Variants in TMEFF1 observed in about 807,000 individuals in gnomAD.
TMEFF1 encodes transmembrane protein with EGF like and two follistatin like domains 1.
TMEFF1 carries 20 observed loss-of-function variants against 47.5 expected under a neutral mutation model. The observed-to-expected ratio is 0.42, with a 90% confidence interval of 0.30 to 0.61. TMEFF1 has a LOEUF of 0.61. TMEFF1 is among the 20% of genes least tolerant of loss of function. The pLI, the probability that TMEFF1 is intolerant of heterozygous loss-of-function variation, is 0.19. For synonymous variants in TMEFF1, 162 were observed against 166.3 expected (o/e 0.97, Z 0.20); for missense variants, 411 against 471.1 (o/e 0.87, Z 1.18).
chr9:100,548,255 A>G lies in TMEFF1; in HGVS notation c.709+363A>G, dbSNP rs76682371. Among the ~76,000 whole-genome samples the G allele has an allele frequency of 7.0e-3, 1,058 of 152,202 alleles. 7 individuals are homozygous for G. Among genetic ancestry groups the G allele is most frequent in the Admixed American group, 0.01 (156 of 15,294 alleles). Reference sequence around the variant, plus strand: ...TTCAGTAAAACTATGTTATTGCCATATATTTGTTAAACCTCTTTTTATAGA... The same window carrying G: ...TTCAGTAAAACTATGTTATTGCCATGTATTTGTTAAACCTCTTTTTATAGA... On this transcript the variant is annotated intron_variant, in intron 6 of 9. Coordinates refer to ENST00000374879, the MANE Select transcript of TMEFF1 (RefSeq NM_003692.5).
At chr9:100,482,519 G>A (rs1439387100) in intron 1 of TMEFF1, among the ~76,000 whole-genome samples, 2 of 152,130 alleles carry the variant, frequency 1.3e-5, no homozygotes, top group African/African-American at 4.8e-5. Context: ...TAAACTTGGA[G>A]GTACTGTCAG....
intron 5 of TMEFF1, among the ~76,000 whole-genome samples, chr9:100,540,608 A>G (rs558029235): frequency 6.6e-5 from 10 of 152,288 alleles, no homozygotes; most frequent in Admixed American, 4.6e-4. Context: ...CTCCTCAAGC[A>G]GGGCCAGAGC....
intron 1 of TMEFF1, among the ~76,000 whole-genome samples, chr9:100,497,790 A>G (rs955740793): frequency 3.9e-5 from 6 of 152,238 alleles, no homozygotes; most frequent in South Asian, 2.1e-4. Context: ...CCTCATCATG[A>G]TCTAGAGATA....
chr9:100,565,578 T>A (rs546109400), intron 8 of TMEFF1, among the ~76,000 whole-genome samples: 1 of 152,144 alleles, frequency 6.6e-6, no homozygotes, highest in Non-Finnish European at 1.5e-5. Context: ...ATTCTCCTCC[T>A]CTCCTGTATG....
In TMEFF1 at chr9:100,473,735, G is replaced by A; in HGVS notation, c.191G>A (p.Cys64Tyr). 1.3e-6 allele frequency: 2 copies of A among 1,526,394 alleles called. No homozygotes were observed. Among genetic ancestry groups the A allele is most frequent in the Non-Finnish European group, 1.8e-6 (2 of 1,135,500 alleles). The allele number at this position is 1,526,394 out of a possible 1,614,324, so 94.6% of individuals were successfully genotyped here. A position where few individuals can be genotyped will look rare whatever the true frequency, so the allele number is the denominator to read the frequency against. ...GGCGGCAAAGGCAAGAGCATCAACT[G>A]CTCAGGTAGGACCGGTCGGAGCCGG... The part of the protein sequence containing the change: ...CPGGKGKSIN[C>Y]SELNVRESDV... The change falls in exon 1 of 10, where the codon TGC becomes TAC. Residue 64 changes from cysteine (C) to tyrosine (Y), a missense_variant. Coordinates refer to ENST00000374879, the MANE Select transcript of TMEFF1 (RefSeq NM_003692.5). The surrounding 1 kb of genome is among the most constrained non-coding windows in gnomAD (Gnocchi z 5.4).
intron 2 of TMEFF1, among the ~76,000 whole-genome samples, chr9:100,501,855 G>A (rs1375826593): frequency 6.6e-6 from 1 of 152,172 alleles, no homozygotes; most frequent in Admixed American, 6.5e-5. Context: ...ATGTTGGCCA[G>A]GATGGTCTCG....
At chr9:100,575,195 C>T (rs533166202) in intron 9 of TMEFF1, among the ~76,000 whole-genome samples, 18 of 152,246 alleles carry the variant, frequency 1.2e-4, no homozygotes, top group African/African-American at 3.6e-4. Flanking sequence ...TGACATATAC[C>T]GTGGCGGCTG....
intron 7 of TMEFF1, among the ~76,000 whole-genome samples, chr9:100,559,098 C>T (rs1458425342): frequency 1.3e-5 from 2 of 151,982 alleles, no homozygotes; most frequent in Non-Finnish European, 2.9e-5. Flanking sequence ...TATACAGAAA[C>T]GAATAACACA....
intron 1 of TMEFF1, among the ~76,000 whole-genome samples, chr9:100,480,952 G>A (rs1246761460): frequency 6.6e-6 from 1 of 152,210 alleles, no homozygotes; most frequent in African/African-American, 2.4e-5. Flanking sequence ...GTTTCATGGA[G>A]TAAGTGGCAC....
At chr9:100,535,746 A>C (rs1838490667) in intron 5 of TMEFF1, among the ~76,000 whole-genome samples, 1 of 152,270 alleles carries the variant, frequency 6.6e-6, no homozygotes, top group Non-Finnish European at 1.5e-5. Flanking sequence ...CCTGAACGAC[A>C]GAGTGAGACC....
chr9:100,505,135 C>G (rs190095695), intron 2 of TMEFF1, among the ~76,000 whole-genome samples: 1 of 151,872 alleles, frequency 6.6e-6, no homozygotes, highest in Non-Finnish European at 1.5e-5. Context: ...AAAAGCAGGT[C>G]GGGCGCGGTG....
intron 2 of TMEFF1, among the ~76,000 whole-genome samples, chr9:100,505,538 A>G (rs1041087308): frequency 5.9e-5 from 9 of 152,154 alleles, no homozygotes; most frequent in Non-Finnish European, 1.0e-4. Context: ...AAGTTATAAC[A>G]GATCAGACTG....
Position 100,487,114 on chromosome 9 carries a change from C to CT in TMEFF1, c.197-11644dup, listed in dbSNP as rs1234184285. On this transcript the variant is annotated intron_variant, in intron 1 of 9. Transcript: ENST00000374879. The stretch of plus-strand genomic sequence containing the variant: ...AGTGTCCTGTATTCATTTTCTATAG[C>CT]TTTTTTTCTTCTTTCTCTTTATTTT... Among the ~76,000 whole-genome samples, 36 of 151,592 alleles carry CT rather than the reference C, an allele frequency of 2.4e-4. 1 individual carries two copies. Among genetic ancestry groups the CT allele is most frequent in the Admixed American group, 2.3e-3 (35 of 15,228 alleles).
At chr9:100,486,490 C>T (rs1445650700) in intron 1 of TMEFF1, among the ~76,000 whole-genome samples, 2 of 152,184 alleles carry the variant, frequency 1.3e-5, no homozygotes, top group African/African-American at 4.8e-5. Flanking sequence ...AATTGGTCCG[C>T]CTCGGGCTCC....
intron 1 of TMEFF1, among the ~76,000 whole-genome samples, chr9:100,491,557 A>G (rs1837553064): frequency 6.6e-6 from 1 of 152,194 alleles, no homozygotes; most frequent in Non-Finnish European, 1.5e-5. Flanking sequence ...ACTAGCAAAA[A>G]CAGATGACAT....
Position 100,550,098 on chromosome 9 carries a change from C to G in TMEFF1, c.713C>G (p.Thr238Arg). 1 of 1,610,604 alleles carries G rather than the reference C, an allele frequency of 6.2e-7. No homozygotes were observed. The highest frequency in any genetic ancestry group is 8.5e-7 in the Non-Finnish European group (1 of 1,178,688). ...TGAAAACCGTCTTCTCTTACAGATACAGATGACACTAGTTTGTTGGGAAAG... is the reference window on the plus strand; with the variant it reads ...TGAAAACCGTCTTCTCTTACAGATAGAGATGACACTAGTTTGTTGGGAAAG... ...DIRHLGHCTD[T>R]DDTSLLGKKD... Residue 238 changes from threonine (T) to arginine (R), a missense_variant, in exon 7 of 10, where the codon ACA (threonine) becomes AGA (arginine). Thr to Arg is a moderately conservative substitution (Grantham distance 71). Transcript: ENST00000374879.
At position 100,498,892 on chromosome 9, in the gene TMEFF1, A is replaced by G. The variant is rs957526931; in HGVS notation, c.306+18A>G. On this transcript the variant is annotated intron_variant, in intron 2 of 9. Coordinates refer to ENST00000374879, the MANE Select transcript of TMEFF1 (RefSeq NM_003692.5). ...AATTTCAGGTGAGGAAACCCAGCCT[A>G]TTTTGAAAAGTTTTATATTCTTCGT... The G allele has an allele frequency of 1.9e-6, 3 of 1,604,444 alleles. No individual in the cohort carries two copies. The highest frequency in any genetic ancestry group is 2.7e-5 in the African/African-American group (2 of 74,066).
chr9:100,546,930 T>A (rs1838744369), intron 5 of TMEFF1, among the ~76,000 whole-genome samples: 1 of 152,216 alleles, frequency 6.6e-6, no homozygotes, highest in African/African-American at 2.4e-5. Flanking sequence ...CAGATAGACA[T>A]GTAGCTAGAA....
intron 5 of TMEFF1, among the ~76,000 whole-genome samples, chr9:100,529,771 C>A (rs1838339937): frequency 6.6e-6 from 1 of 152,104 alleles, no homozygotes; most frequent in Non-Finnish European, 1.5e-5. Context: ...ACTCTCCATC[C>A]CAAATCAACA....
Sources: gnomAD v4.1 joint callset for allele counts (sites outside exome capture counted in the v4.1 genomes callset) on GRCh38, gnomAD v4.1.1 for gene constraint, Gnocchi (gnomAD v3.1) non-coding constraint, MANE v1.5 for transcripts, NCBI Gene and HGNC (gene_info 2026-07-23, HGNC 2026-07-21) for gene names.